Variants in CATSPERE observed in about 807,000 individuals in gnomAD.
The protein encoded by CATSPERE is catsper channel auxiliary subunit epsilon, also known as cation channel sperm-associated auxiliary subunit epsilon.
In CATSPERE, 93 loss-of-function variants were observed where a neutral mutation model predicts 114.1. The observed-to-expected ratio is 0.81, with a 90% confidence interval of 0.69 to 0.97. CATSPERE has a LOEUF of 0.97. Ranked by LOEUF, CATSPERE falls within the 50% of genes least tolerant of loss-of-function variation. The pLI is 0.00. For missense variants in CATSPERE, 1,058 were observed against 1,131.6 expected (o/e 0.93, Z 0.93); for synonymous variants, 341 against 384.1 (o/e 0.89, Z 1.31).
At chr1:244,451,930 G>T, upstream of CATSPERE, 1 of 1,156,518 alleles carries the variant, frequency 8.6e-7, no homozygotes, top group Non-Finnish European at 1.2e-6. The surrounding 1 kb of genome is among the most constrained non-coding windows in gnomAD (Gnocchi z 6.6). Flanking sequence ...CCAGAGGCCG[G>T]CCCCGCCCCC....
chr1:244,583,367 A>G (rs1558539990), intron 12 of CATSPERE, among the ~76,000 whole-genome samples: 1 of 152,164 alleles, frequency 6.6e-6, no homozygotes, highest in Non-Finnish European at 1.5e-5. Flanking sequence ...CCTAGCTTTC[A>G]ATCCCAGTCA....
At chr1:244,587,181 A>G (rs887601106) in intron 13 of CATSPERE, among the ~76,000 whole-genome samples, 2 of 152,250 alleles carry the variant, frequency 1.3e-5, no homozygotes, top group East Asian at 3.8e-4. Context: ...GATATAACCT[A>G]TCTTCTTAGC....
At chr1:244,634,779 A>C (rs538093297) in intron 20 of CATSPERE, among the ~76,000 whole-genome samples, 1 of 152,358 alleles carries the variant, frequency 6.6e-6, no homozygotes, top group South Asian at 2.1e-4. Flanking sequence ...GTTGCTGTGA[A>C]GATCAACTAA....
intron 8 of CATSPERE, among the ~76,000 whole-genome samples, chr1:244,524,009 A>G (rs1678077304): frequency 6.6e-6 from 1 of 150,518 alleles, no homozygotes; most frequent in African/African-American, 2.5e-5. Flanking sequence ...TATGGAACCA[A>G]AAAAGAGCCC....
At chr1:244,499,989 C>T (rs1383001353) in intron 7 of CATSPERE, among the ~76,000 whole-genome samples, 1 of 152,204 alleles carries the variant, frequency 6.6e-6, no homozygotes, top group Non-Finnish European at 1.5e-5. Flanking sequence ...TATTTCTCTG[C>T]ATCCTCACCA....
intron 8 of CATSPERE, among the ~76,000 whole-genome samples, chr1:244,533,442 C>T (rs1679922971): frequency 6.6e-6 from 1 of 151,758 alleles, no homozygotes; most frequent in African/African-American, 2.4e-5. Flanking sequence ...TCCTTCTTTT[C>T]TTCCTTTCTG....
At chr1:244,554,276 G>A (rs144367588) in intron 9 of CATSPERE, among the ~76,000 whole-genome samples, 275 of 152,248 alleles carry the variant, frequency 1.8e-3, no homozygotes, top group African/African-American at 6.4e-3. Context: ...CATAGCGGTC[G>A]TACTAATTTA....
chr1:244,491,152 G>C (rs1672072044), intron 6 of CATSPERE, among the ~76,000 whole-genome samples: 1 of 151,892 alleles, frequency 6.6e-6, no homozygotes, highest in African/African-American at 2.4e-5. Flanking sequence ...ATTTTTTTCA[G>C]CACCACACCA....
intron 20 of CATSPERE, among the ~76,000 whole-genome samples, chr1:244,623,859 G>T (rs1345957212): frequency 2.0e-5 from 3 of 152,152 alleles, no homozygotes; most frequent in Admixed American, 1.3e-4. Context: ...AATCATCTGC[G>T]CTTTTAGCAA....
rs922862224 is a variant in CATSPERE at position 244,575,565 on chromosome 1, G to A, written c.1950+2793G>A. Among the ~76,000 whole-genome samples, 5 of 152,160 alleles carry A rather than the reference G, an allele frequency of 3.3e-5. 1 individual carries two copies. The highest frequency in any genetic ancestry group is 1.3e-4 in the Admixed American group (2 of 15,278). ...TGGATGGCTCTAGCTGCATGGCTGG[G>A]TGCGAGGAGAGCATCCTAGCCACTG... is the stretch of plus-strand genomic sequence containing the variant. On this transcript the variant is annotated intron_variant, in intron 11 of 21. Transcript: ENST00000366534. This position sits in a 1 kb window ranked among gnomAD's most constrained non-coding sequence, Gnocchi z 4.5.
chr1:244,514,974 G>A (rs1183840049), intron 7 of CATSPERE, among the ~76,000 whole-genome samples: 1 of 152,112 alleles, frequency 6.6e-6, no homozygotes, highest in East Asian at 1.9e-4. Context: ...TTGGGAAAAA[G>A]CTGGGGAAAG....
At chr1:244,478,943 G>A (rs1457478581) in intron 4 of CATSPERE, among the ~76,000 whole-genome samples, 1 of 141,810 alleles carries the variant, frequency 7.1e-6, no homozygotes, top group South Asian at 2.2e-4. Flanking sequence ...CAGGAGAATC[G>A]CTCGAACCCG....
chr1:244,572,558 C>T lies in CATSPERE; in HGVS notation c.1736C>T (p.Thr579Ile). Residue 579 changes from threonine to isoleucine, a missense_variant, in exon 11 of 22, where the codon ACA (threonine) becomes ATA (isoleucine). Around this residue, in one of 2 missense-constraint regions of CATSPERE, gnomAD observed 787 missense variants for 905.6 expected, o/e 0.87. Transcript: ENST00000366534. ...HLEAQSIAFT[T>I]KDKCPYMAFH... is the part of the protein sequence containing the mutation. ...GAAGCACAAAGTATAGCTTTCACAA[C>T]AAAAGACAAATGCCCATACATGGCA... is the stretch of plus-strand genomic sequence containing the variant. The T allele has an allele frequency of 6.2e-7, 1 of 1,614,066 alleles. No individual in the cohort carries two copies. The highest frequency in any genetic ancestry group is 8.5e-7 in the Non-Finnish European group (1 of 1,179,956).
intron 8 of CATSPERE, among the ~76,000 whole-genome samples, chr1:244,524,232 T>C (rs1319123514): frequency 6.8e-6 from 1 of 147,902 alleles, no homozygotes; most frequent in African/African-American, 2.6e-5. Context: ...AAACAAGCAA[T>C]GGGGAAAGGA....
chr1:244,557,287 T>G (rs1424127145), intron 9 of CATSPERE, among the ~76,000 whole-genome samples: 1 of 151,692 alleles, frequency 6.6e-6, no homozygotes, highest in Non-Finnish European at 1.5e-5. Context: ...GAGATTACAT[T>G]GACTCTGTTA....
chr1:244,618,956 G>A (rs530491279), intron 20 of CATSPERE, among the ~76,000 whole-genome samples: 2 of 152,144 alleles, frequency 1.3e-5, no homozygotes, highest in Admixed American at 6.5e-5. Flanking sequence ...AGAAGGAAAC[G>A]ATATAGTTTC....
chr1:244,518,033 A>G (rs1676925569), intron 7 of CATSPERE, among the ~76,000 whole-genome samples: 2 of 152,184 alleles, frequency 1.3e-5, no homozygotes, highest in African/African-American at 4.8e-5. Flanking sequence ...AATTCTAGAA[A>G]TTTCCCATAG....
At position 244,583,905 on chromosome 1, in the gene CATSPERE, G is replaced by C; in HGVS notation, c.2051G>C (p.Ser684Thr). 1 of 1,614,114 alleles carries C rather than the reference G, an allele frequency of 6.2e-7. No homozygotes were observed. Among genetic ancestry groups the C allele is most frequent in the Non-Finnish European group, 8.5e-7 (1 of 1,179,974 alleles). Reference sequence around the variant, plus strand: ...CTTGTGCTGGTTCAGTTTCGACCTAGTGAATATTCAAAAGCATGTCCAATA... The same window carrying C: ...CTTGTGCTGGTTCAGTTTCGACCTACTGAATATTCAAAAGCATGTCCAATA... Reference protein sequence around the residue: ...TGLVLVQFRPSEYSKACPIAQ... With the variant: ...TGLVLVQFRPTEYSKACPIAQ... The change falls in exon 13 of 22, where the codon AGT (serine) becomes ACT (threonine). Residue 684 changes from serine to threonine, a missense_variant. Physicochemically the swap from Ser to Thr is moderately conservative, Grantham distance 58. Around this residue, in one of 2 missense-constraint regions of CATSPERE, gnomAD observed 787 missense variants for 905.6 expected, o/e 0.87. Coordinates refer to ENST00000366534, the MANE Select transcript of CATSPERE (RefSeq NM_001130957.2).
intron 20 of CATSPERE, among the ~76,000 whole-genome samples, chr1:244,624,128 A>ATATTTT (rs1672767189): frequency 7.9e-6 from 1 of 125,944 alleles, no homozygotes; most frequent in Non-Finnish European, 1.6e-5. Flanking sequence ...TGCCCAGCTA[A>ATATTTT]TTTTTTTTTT....
Sources: allele counts gnomAD v4.1 joint callset (sites outside exome capture counted in the v4.1 genomes callset), GRCh38; gene constraint gnomAD v4.1.1; regional missense constraint gnomAD v4.1.1; non-coding constraint Gnocchi (gnomAD v3.1); transcripts MANE v1.5; gene names NCBI Gene and HGNC (gene_info 2026-07-23, HGNC 2026-07-21).